Variants in KIF9 observed in about 807,000 individuals in gnomAD.
KIF9 encodes kinesin family member 9, also known as kinesin-like protein KIF9.
A neutral mutation model predicts 94.8 loss-of-function variants in KIF9; 68 were observed. That is an observed-to-expected ratio of 0.72 (90% CI 0.59 to 0.88). The LOEUF (loss-of-function observed/expected upper bound fraction) is 0.88. KIF9 is among the 40% of genes least tolerant of loss of function. The pLI is 0.00. For synonymous variants in KIF9, 343 were observed against 362.1 expected (o/e 0.95, Z 0.60); for missense variants, 882 against 982.5 (o/e 0.90, Z 1.37).
rs150773824 is a variant in KIF9 at position 47,258,028 on chromosome 3, A to T, written c.982-468T>A. On this transcript the variant is annotated intron_variant, in intron 9 of 20. Coordinates refer to ENST00000684063, the MANE Select transcript of KIF9 (RefSeq NM_182902.4). Reference sequence around the variant, plus strand: ...TCTGCCCCTTCCACAAACCACAGTGATCCCCCTCCTTCACGCAGTTTTCAG... The same window carrying T: ...TCTGCCCCTTCCACAAACCACAGTGTTCCCCCTCCTTCACGCAGTTTTCAG... Among the ~76,000 whole-genome samples the T allele has an allele frequency of 6.7e-3, 1,026 of 152,256 alleles. 14 individuals are homozygous for T. The highest frequency in any genetic ancestry group is 0.023 in the African/African-American group (967 of 41,540).
chr3:47,252,123 A>G (rs756917619), intron 10 of KIF9, among the ~76,000 whole-genome samples: 1 of 152,258 alleles, frequency 6.6e-6, no homozygotes, highest in Non-Finnish European at 1.5e-5. Flanking sequence ...TACTGGCTAC[A>G]GTCTAGGAAA....
intron 4 of KIF9, among the ~76,000 whole-genome samples, chr3:47,271,705 CTTATT>C (rs1391443314): frequency 2.6e-5 from 4 of 152,176 alleles, no homozygotes; most frequent in Non-Finnish European, 5.9e-5. Context: ...GTGAGGATTT[CTTATT>C]TTAGAGTCTC....
rs1475374323 is a variant in KIF9, at chr3:47,236,483, G to A, written c.2061C>T (p.Cys687=). The A allele has an allele frequency of 9.9e-6, 16 of 1,613,696 alleles. No homozygotes were observed. The highest frequency in any genetic ancestry group is 1.4e-5 in the Non-Finnish European group (16 of 1,180,024). Residue 687 remains cysteine, a synonymous_variant, in exon 18 of 21, where the codon TGC becomes TGT. Coordinates refer to ENST00000684063, the MANE Select transcript of KIF9 (RefSeq NM_182902.4). ...LRDLRAEIQY[C]QHLVDQCRHR... ...GGCGACACTGATCCACTAGGTGCTG[G>A]CAATACTGGATCTCAGCCCTGAGGT...
At chr3:47,265,946 C>T in intron 7 of KIF9, 69 bp from the exon 8 acceptor site, 5 of 1,556,230 alleles carry the variant, frequency 3.2e-6, no homozygotes, top group Non-Finnish European at 4.4e-6. Flanking sequence ...TAGCAGTCTT[C>T]CTGGTCTGGA....
chr3:47,256,952 T>C (rs545802062), intron 10 of KIF9, among the ~76,000 whole-genome samples: 11 of 152,078 alleles, frequency 7.2e-5, no homozygotes, highest in African/African-American at 9.7e-5. Context: ...CAGCATGCTC[T>C]TTAAGAGTCA....
In KIF9 at chr3:47,246,069, C is replaced by T. The variant is rs1424645748; in HGVS notation, c.1289+128G>A. ...TATCCACCAGGGACCCAGGCATGCC[C>T]CCAAGGACTCTGATTTGGCTCTTCA... On this transcript the variant is annotated intron_variant, in intron 13 of 20. Coordinates refer to ENST00000684063, the MANE Select transcript of KIF9 (RefSeq NM_182902.4). 4.5e-5 allele frequency: 33 copies of T among 737,892 alleles called. No homozygotes were observed. In the Admixed American group the frequency reaches 8.1e-4, roughly 18 times the overall value. The allele number at this position is 737,892 out of a possible 1,614,324, so 45.7% of individuals were successfully genotyped here. A position where few individuals can be genotyped will look rare whatever the true frequency, so the allele number is the denominator to read the frequency against.
At chr3:47,268,584 CTTTTTTT>C (rs560574291) in intron 5 of KIF9, among the ~76,000 whole-genome samples, 2 of 137,298 alleles carry the variant, frequency 1.5e-5, no homozygotes, top group Admixed American at 1.5e-4. Context: ...TTTTCTTCTT[CTTTTTTT>C]TTTTTTTTTT....
chr3:47,273,678 C>T lies in KIF9; in HGVS notation c.260-20G>A, dbSNP rs529221112. The T allele has an allele frequency of 4.5e-5, 72 of 1,598,596 alleles. No homozygotes were observed. The East Asian group carries it at 7.2e-4, about 16-fold the overall frequency. On this transcript the variant is annotated intron_variant, in intron 3 of 20. Coordinates refer to ENST00000684063, the MANE Select transcript of KIF9 (RefSeq NM_182902.4). ...TGGTGCCTGCAAACATTTCAAAACACGGTGACATCCAGGAAAATAGCTCCA... is the reference window on the plus strand; with the variant it reads ...TGGTGCCTGCAAACATTTCAAAACATGGTGACATCCAGGAAAATAGCTCCA...
At chr3:47,231,145 A>G (rs1698544131) in intron 20 of KIF9, among the ~76,000 whole-genome samples, 1 of 152,230 alleles carries the variant, frequency 6.6e-6, no homozygotes, top group Admixed American at 6.5e-5. Context: ...ACATCTAATC[A>G]GAGTCCTGGG....
At chr3:47,247,887 C>A in intron 11 of KIF9, 131 bp downstream of exon 11, 1 of 741,766 alleles carries the variant, frequency 1.3e-6, no homozygotes. Context: ...CCTTTCCTGC[C>A]ACTGAGCCTG....
intron 9 of KIF9, 195 bp downstream of exon 9, chr3:47,264,091 C>A: frequency 1.7e-6 from 1 of 588,720 alleles, no homozygotes; most frequent in Non-Finnish European, 3.2e-6. Flanking sequence ...TTTTCCTCCG[C>A]ACAGCTTAGT....
chr3:47,261,488 G>T (rs929582473), intron 9 of KIF9, among the ~76,000 whole-genome samples: 1 of 152,192 alleles, frequency 6.6e-6, no homozygotes, highest in Non-Finnish European at 1.5e-5. Flanking sequence ...ACAGCCAGGG[G>T]CCTCAGGAGG....
chr3:47,243,306 G>A, intron 15 of KIF9, 61 bp from the exon 16 acceptor site: 2 of 1,416,038 alleles, frequency 1.4e-6, no homozygotes, highest in South Asian at 2.7e-5. Flanking sequence ...CAGATGCCAG[G>A]ATGAGTGACC....
chr3:47,241,789 GTGTATATATGTATATA>G (rs200221718), intron 16 of KIF9, among the ~76,000 whole-genome samples: 23 of 85,844 alleles, frequency 2.7e-4, no homozygotes, highest in Admixed American at 1.4e-3. Context: ...ATGTATATAC[GTGTATATATGTATATA>G]TGTATATATG....
intron 19 of KIF9, 118 bp downstream of exon 19, chr3:47,235,916 T>C: frequency 1.3e-6 from 1 of 770,330 alleles, no homozygotes; most frequent in South Asian, 1.6e-5. Context: ...GGGCTGGCTG[T>C]GGAGAGGCTG....
At chr3:47,273,137 C>G (rs1216026041) in intron 4 of KIF9, among the ~76,000 whole-genome samples, 1 of 152,096 alleles carries the variant, frequency 6.6e-6, no homozygotes, top group Non-Finnish European at 1.5e-5. Flanking sequence ...CTTTCAGGGG[C>G]TGTGGTGGTG....
chr3:47,254,331 G>A (rs1455529914), intron 10 of KIF9, among the ~76,000 whole-genome samples: 6 of 152,196 alleles, frequency 3.9e-5, no homozygotes, highest in Non-Finnish European at 8.8e-5. Flanking sequence ...GATGGTGTGC[G>A]CCTGTAGTCC....
intron 9 of KIF9, among the ~76,000 whole-genome samples, 199 bp from the exon 10 acceptor site, chr3:47,257,759 G>A (rs1282059696): frequency 6.6e-6 from 1 of 152,152 alleles, no homozygotes; most frequent in Non-Finnish European, 1.5e-5. Flanking sequence ...GCAGGAAGGT[G>A]ACAGAGGGCA....
At position 47,244,308 on chromosome 3, in the gene KIF9, G is replaced by T. The variant is rs115784410; in HGVS notation, c.1514+483C>A. ...GAGGGCTCACTAAGTGAACCTAAAT[G>T]CTCTTCCCACCTTGCACATACAAAC... On this transcript the variant is annotated intron_variant, in intron 15 of 20. Transcript: ENST00000684063. The T allele has an allele frequency of 2.0e-3, 319 of 157,084 alleles. 1 individual carries two copies. The highest frequency in any genetic ancestry group is 7.4e-3 in the African/African-American group (307 of 41,672). 9.7% of individuals were successfully genotyped at this position (157,084 alleles called of 1,614,324 possible).
Sources: gnomAD v4.1 joint callset for allele counts (sites outside exome capture counted in the v4.1 genomes callset) on GRCh38, gnomAD v4.1.1 for gene constraint, MANE v1.5 for transcripts, NCBI Gene and HGNC (gene_info 2026-07-23, HGNC 2026-07-21) for gene names.